TEK: variants seen among roughly 807,000 people sequenced by gnomAD.
The protein encoded by TEK is TEK receptor tyrosine kinase, also known as angiopoietin-1 receptor.
Under a neutral mutation model 131.8 loss-of-function variants are expected in TEK, and 43 were observed. The observed-to-expected ratio is 0.33, with a 90% CI of 0.26 to 0.42. The LOEUF (loss-of-function observed/expected upper bound fraction) is 0.42, where lower values mean the gene tolerates loss of function less well. Among genes scored for constraint, TEK ranks in the 10% least tolerant of loss-of-function variants. The pLI is 1.00. For missense variants in TEK, 1,162 were observed against 1,384.4 expected (o/e 0.84, Z 2.55); for synonymous variants, 580 against 491.6 (o/e 1.18, Z -2.38).
At chr9:27,197,266 A>G (rs1401915822) in intron 11 of TEK, 49 bp from the exon 12 acceptor site, 1 of 1,598,026 alleles carries the variant, frequency 6.3e-7, no homozygotes, top group Non-Finnish European at 8.6e-7. Context: ...CACTAATCCA[A>G]ACTATATCAG....
In TEK at chr9:27,206,654, C is replaced by A; in HGVS notation, c.2437C>A (p.Pro813Thr). ...LNRKVKNNPDPTIYPVLDWND... is the reference protein window; with the variant it reads ...LNRKVKNNPDTTIYPVLDWND... ...CAGGAAGGTCAAAAACAACCCAGAT[C>A]CTACAATTTATCCAGTGCTTGACTG... The change falls in exon 15 of 23, where the codon CCT becomes ACT. Residue 813 changes from proline to threonine, a missense_variant. By Grantham distance (38) the Pro-to-Thr change is conservative. Transcript: ENST00000380036. 6.2e-7 allele frequency: 1 copy of A among 1,613,996 alleles called. No individual in the cohort carries two copies. Among genetic ancestry groups the A allele is most frequent in the Non-Finnish European group, 8.5e-7 (1 of 1,179,988 alleles).
intron 12 of TEK, among the ~76,000 whole-genome samples, chr9:27,200,109 G>A (rs1825165782): frequency 6.6e-6 from 1 of 152,104 alleles, no homozygotes; most frequent in African/African-American, 2.4e-5. Flanking sequence ...CACGTATTGA[G>A]TAGTCCCCAT....
chr9:27,217,518 CTGTT>C lies in TEK; in HGVS notation c.2992-163_2992-160del, dbSNP rs5897224. On this transcript the variant is annotated intron_variant, in intron 18 of 22. Coordinates refer to ENST00000380036, the MANE Select transcript of TEK (RefSeq NM_000459.5). Reference sequence around the variant, plus strand: ...CCCCGAAAGATAAATAGGACTTATACTGTTTGTTTGCATGTTTTGAAATTTGAAA... The same window carrying C: ...CCCCGAAAGATAAATAGGACTTATACTGTTTGCATGTTTTGAAATTTGAAA... 0.85 allele frequency among the ~76,000 whole-genome samples: 129,185 copies of C among 151,598 alleles called. 55,316 individuals carry two copies. Among genetic ancestry groups the C allele is most frequent in the East Asian group, 1 (5,139 of 5,146 alleles).
chr9:27,109,734 T>C lies in TEK; in HGVS notation c.52+92T>C, dbSNP rs1821257307. ...TCTCCCCAAATCTCATCAGTGCTGA[T>C]GAACAAGGGGTGGCTGTAGCAAAGG... On this transcript the variant is annotated intron_variant, in intron 1 of 22. Coordinates refer to ENST00000380036, the MANE Select transcript of TEK (RefSeq NM_000459.5). The C allele has an allele frequency of 6.1e-6, 8 of 1,304,014 alleles. No individual in the cohort carries two copies. In the Middle Eastern group the frequency reaches 8.4e-4, roughly 136 times the overall value. 80.8% of individuals were successfully genotyped at this position (1,304,014 alleles called of 1,614,324 possible).
At chr9:27,150,294 C>T (rs1823076125) in intron 1 of TEK, among the ~76,000 whole-genome samples, 1 of 152,156 alleles carries the variant, frequency 6.6e-6, no homozygotes, top group Admixed American at 6.5e-5. Flanking sequence ...TTCTATATGC[C>T]TCAGATTGCC....
At chr9:27,156,658 G>T (rs1299471903) in intron 1 of TEK, among the ~76,000 whole-genome samples, 2 of 152,172 alleles carry the variant, frequency 1.3e-5, no homozygotes, top group Non-Finnish European at 2.9e-5. Context: ...GAAACTAGCT[G>T]CTCAATCTTT....
chr9:27,197,400 G>A lies in TEK; in HGVS notation c.1710G>A (p.Ser570=), dbSNP rs777098759. The change falls in exon 12 of 23, where the codon TCG becomes TCA. Residue 570 remains serine, a synonymous_variant. Transcript: ENST00000380036. ...NLTWQPIFPS[S]EDDFYVEVER... The stretch of plus-strand genomic sequence containing the variant: ...CCTGGCAACCAATATTTCCAAGCTC[G>A]GAAGATGACTTTTATGTTGAAGTGG... 26 of 1,613,956 alleles carry A rather than the reference G, an allele frequency of 1.6e-5. No homozygotes were observed. The highest frequency in any genetic ancestry group is 4.4e-5 in the South Asian group (4 of 91,078).
Position 27,128,652 on chromosome 9 carries a change from T to G in TEK, c.52+19010T>G, listed in dbSNP as rs148637089. ...TTTGTTTGTGTCCTTTTTTATTTCA[T>G]TGAGCAGTGGTTTGTAGTTCTCCTT... On this transcript the variant is annotated intron_variant, in intron 1 of 22. Coordinates refer to ENST00000380036, the MANE Select transcript of TEK (RefSeq NM_000459.5). Among the ~76,000 whole-genome samples the G allele has an allele frequency of 2.2e-3, 339 of 152,342 alleles. 2 individuals carry two copies. The highest frequency in any genetic ancestry group is 7.6e-3 in the African/African-American group (315 of 41,578).
rs1296458209 is a variant in TEK at position 27,203,131 on chromosome 9, G to A, written c.2209+12G>A. On this transcript the variant is annotated intron_variant, in intron 13 of 22. Coordinates refer to ENST00000380036, the MANE Select transcript of TEK (RefSeq NM_000459.5). ...CCCAGAATCTCAAGGTTGGTTGAATGGACAAGTATTTACATAGGATTACCG... is the reference window on the plus strand; with the variant it reads ...CCCAGAATCTCAAGGTTGGTTGAATAGACAAGTATTTACATAGGATTACCG... 2 of 1,613,854 alleles carry A rather than the reference G, an allele frequency of 1.2e-6. No homozygotes were observed. The highest frequency in any genetic ancestry group is 1.7e-6 in the Non-Finnish European group (2 of 1,179,866).
chr9:27,218,946 A>T (rs551713132), intron 20 of TEK, 129 bp downstream of exon 20: 1 of 928,428 alleles, frequency 1.1e-6, no homozygotes, highest in Non-Finnish European at 1.8e-6. Flanking sequence ...ACTTGGAAAT[A>T]GAAACATAGT....
rs140402504 is a variant in TEK, at chr9:27,186,656, A to G, written c.1327+1027A>G. ...ATCTTCTGACTCCAAACCCAGCACT[A>G]TCTCTTCTGGACCATTTTGCTTTCT... is the stretch of plus-strand genomic sequence containing the variant. On this transcript the variant is annotated intron_variant, in intron 9 of 22. Transcript: ENST00000380036. Among the ~76,000 whole-genome samples the G allele has an allele frequency of 4.2e-3, 646 of 152,272 alleles. 2 individuals carry two copies. The highest frequency in any genetic ancestry group is 0.014 in the African/African-American group (594 of 41,554).
At chr9:27,194,356 T>G (rs1333647601) in intron 11 of TEK, among the ~76,000 whole-genome samples, 1 of 152,236 alleles carries the variant, frequency 6.6e-6, no homozygotes, top group Middle Eastern at 3.4e-3. Flanking sequence ...GCAGCATCCT[T>G]AAAGAACCAA....
chr9:27,210,803 T>G (rs1189358823), intron 16 of TEK, among the ~76,000 whole-genome samples: 2 of 152,180 alleles, frequency 1.3e-5, no homozygotes, highest in Non-Finnish European at 2.9e-5. Context: ...CGTCATCACA[T>G]TAGCACATAG....
At chr9:27,150,739 A>G (rs951471635) in intron 1 of TEK, among the ~76,000 whole-genome samples, 1 of 152,194 alleles carries the variant, frequency 6.6e-6, no homozygotes, top group African/African-American at 2.4e-5. Context: ...TTGCATATAA[A>G]TGAATGTTCA....
chr9:27,193,544 C>T (rs1314582310), intron 11 of TEK, among the ~76,000 whole-genome samples: 4 of 152,158 alleles, frequency 2.6e-5, no homozygotes, highest in Non-Finnish European at 1.5e-5. Flanking sequence ...CTCCAGCTTT[C>T]TGTTACCCAG....
chr9:27,200,685 C>T (rs1023979021), intron 12 of TEK, among the ~76,000 whole-genome samples: 3 of 152,158 alleles, frequency 2.0e-5, no homozygotes, highest in Admixed American at 6.5e-5. Flanking sequence ...CTAGCAATTA[C>T]ATCTGGTCCA....
intron 7 of TEK, among the ~76,000 whole-genome samples, chr9:27,182,958 C>T (rs970479942): frequency 1.3e-5 from 2 of 152,188 alleles, no homozygotes; most frequent in Non-Finnish European, 1.5e-5. Flanking sequence ...CTGCTATTTG[C>T]AGACTTCCCA....
chr9:27,224,759 C>A (rs1217125673), intron 21 of TEK, among the ~76,000 whole-genome samples: 1 of 151,992 alleles, frequency 6.6e-6, no homozygotes. Context: ...CTGGCCAGGG[C>A]AGTCAGGCAA....
intron 1 of TEK, among the ~76,000 whole-genome samples, chr9:27,129,049 G>T (rs953750580): frequency 6.6e-6 from 1 of 152,136 alleles, no homozygotes; most frequent in Non-Finnish European, 1.5e-5. Context: ...TCCTTGTCTT[G>T]TGCTGATTTT....
Sources: allele counts gnomAD v4.1 joint callset (sites outside exome capture counted in the v4.1 genomes callset), GRCh38; gene constraint gnomAD v4.1.1; transcripts MANE v1.5; gene names NCBI Gene and HGNC (gene_info 2026-07-23, HGNC 2026-07-21).